The following TBC1D1 variants were observed in gnomAD, a reference collection of about 807,000 sequenced individuals.
The protein encoded by TBC1D1 is TBC1 domain family member 1, also known as TBC1 (tre-2/USP6, BUB2, cdc16) domain family, member 1.
TBC1D1 carries 89 observed loss-of-function variants against 125.6 expected under a neutral mutation model. That is an observed-to-expected ratio of 0.71 (90% confidence interval 0.60 to 0.85). The LOEUF (loss-of-function observed/expected upper bound fraction) is 0.85. TBC1D1 is among the 40% of genes least tolerant of loss of function. TBC1D1 has a pLI of 0.00. For synonymous variants in TBC1D1, 565 were observed against 564.1 expected (o/e 1.00, Z -0.02); for missense variants, 1,377 against 1,469.2 (o/e 0.94, Z 1.03).
intron 16 of TBC1D1, among the ~76,000 whole-genome samples, chr4:38,117,301 C>G (rs1763137817): frequency 6.6e-6 from 1 of 152,026 alleles, no homozygotes; most frequent in Admixed American, 6.6e-5. Context: ...TCTTTAGGCT[C>G]AGGCCGTGGC....
At chr4:37,928,503 T>A (rs1374643046) in intron 2 of TBC1D1, among the ~76,000 whole-genome samples, 3 of 152,348 alleles carry the variant, frequency 2.0e-5, no homozygotes, top group African/African-American at 7.2e-5. Flanking sequence ...TGTTATAATT[T>A]CTTAATTCCC....
At chr4:38,013,804 G>T (rs1461089510) in intron 2 of TBC1D1, among the ~76,000 whole-genome samples, 1 of 152,160 alleles carries the variant, frequency 6.6e-6, no homozygotes, top group Non-Finnish European at 1.5e-5. Flanking sequence ...TAGTCTCCAT[G>T]TGAAGAATCC....
chr4:37,933,772 ATGGGTAGGC>A (rs151198935), intron 2 of TBC1D1, among the ~76,000 whole-genome samples: 2,322 of 152,280 alleles, frequency 0.015, 73 homozygotes, highest in African/African-American at 0.053. Flanking sequence ...CGGAATCACC[ATGGGTAGGC>A]TGGTAGGACC....
intron 2 of TBC1D1, among the ~76,000 whole-genome samples, chr4:37,922,800 A>G (rs1189701647): frequency 6.6e-6 from 1 of 152,104 alleles, no homozygotes; most frequent in Non-Finnish European, 1.5e-5. Flanking sequence ...CCTGGCCTCA[A>G]TGATTGGTTT....
intron 2 of TBC1D1, among the ~76,000 whole-genome samples, chr4:37,935,522 C>G (rs1032332095): frequency 6.6e-6 from 1 of 152,172 alleles, no homozygotes. Flanking sequence ...GTTTCTGCTT[C>G]TTTTCATCTC....
At chr4:37,916,555 C>T (rs1489955916) in intron 2 of TBC1D1, among the ~76,000 whole-genome samples, 1 of 152,106 alleles carries the variant, frequency 6.6e-6, no homozygotes, top group Non-Finnish European at 1.5e-5. Context: ...GAAAAGACAG[C>T]ACAGCCAGGA....
chr4:38,109,392 A>G (rs774944274), intron 15 of TBC1D1, among the ~76,000 whole-genome samples: 17 of 152,224 alleles, frequency 1.1e-4, no homozygotes, highest in Non-Finnish European at 2.2e-4. Context: ...GATAAAAGGA[A>G]AGAATAAAGT....
chr4:38,109,531 G>A (rs1379981342), intron 15 of TBC1D1, among the ~76,000 whole-genome samples: 1 of 152,112 alleles, frequency 6.6e-6, no homozygotes, highest in Non-Finnish European at 1.5e-5. Context: ...TTCAGTGTTT[G>A]CAGATTTCCA....
In TBC1D1 at chr4:37,928,191, C is replaced by T. The variant is rs913178877; in HGVS notation, c.417+25679C>T. Among the ~76,000 whole-genome samples the T allele has an allele frequency of 2.0e-5, 3 of 152,142 alleles. No individual in the cohort carries two copies. The South Asian group carries it at 6.2e-4, about 31-fold the overall frequency. On this transcript the variant is annotated intron_variant, in intron 2 of 19. Transcript: ENST00000261439. ...AATAGGGCCTGGCATATAGTTGGAA[C>T]TACTAGTTTAAAAGTGTTAGCTATC...
chr4:38,014,924 A>G lies in TBC1D1; in HGVS notation c.833A>G (p.Asn278Ser), dbSNP rs1560622286. Residue 278 changes from asparagine (N) to serine (S), a missense_variant, in exon 3 of 20, where the codon AAT becomes AGT. Transcript: ENST00000261439. This position sits in a 1 kb window ranked among gnomAD's most constrained non-coding sequence, Gnocchi z 5.1. ...GAGAACCACCTCATTAGCGGACACA[A>G]TATTGTGCAGCCCACAGATATCGAG... 1.9e-6 allele frequency: 3 copies of G among 1,582,976 alleles called. No individual in the cohort carries two copies. The highest frequency in any genetic ancestry group is 2.6e-6 in the Non-Finnish European group (3 of 1,160,738).
At chr4:37,965,048 C>T (rs1173076339) in intron 2 of TBC1D1, among the ~76,000 whole-genome samples, 1 of 152,260 alleles carries the variant, frequency 6.6e-6, no homozygotes, top group East Asian at 1.9e-4. Flanking sequence ...AGACACTGCT[C>T]CACTGTGCCT....
At chr4:38,046,790 G>A (rs1430439920) in intron 10 of TBC1D1, among the ~76,000 whole-genome samples, 1 of 152,066 alleles carries the variant, frequency 6.6e-6, no homozygotes, top group African/African-American at 2.4e-5. Context: ...TCATATTTAA[G>A]CCTGGTCAGT....
intron 2 of TBC1D1, among the ~76,000 whole-genome samples, chr4:37,987,524 CCTTT>C (rs1222736454): frequency 6.6e-6 from 1 of 151,916 alleles, no homozygotes; most frequent in East Asian, 1.9e-4. Flanking sequence ...ACTTTTTTCC[CCTTT>C]CTTAGGTGAG....
chr4:37,946,738 G>A (rs1227022505), intron 2 of TBC1D1, among the ~76,000 whole-genome samples: 1 of 152,186 alleles, frequency 6.6e-6, no homozygotes, highest in African/African-American at 2.4e-5. Context: ...GAAGGCATGA[G>A]AAAGTGGGAG....
At position 38,020,643 on chromosome 4, in the gene TBC1D1, G is replaced by T. The variant is rs1170948915; in HGVS notation, c.1025G>T (p.Gly342Val). The stretch of plus-strand genomic sequence containing the variant: ...TTTATCTGTCGGGAGTCTTCCGGAG[G>T]TGGCGGCTTTCATTTTGTCTGTTAC... The change falls in exon 5 of 20, where the codon GGT becomes GTT. Residue 342 changes from glycine to valine, a missense_variant. Gly to Val is a moderately radical substitution (Grantham distance 109, BLOSUM62 -3). Coordinates refer to ENST00000261439, the MANE Select transcript of TBC1D1 (RefSeq NM_015173.4). 1.2e-6 allele frequency: 2 copies of T among 1,613,400 alleles called. No homozygotes were observed. The highest frequency in any genetic ancestry group is 1.1e-5 in the South Asian group (1 of 91,082).
chr4:38,042,409 C>T (rs1197665300), intron 8 of TBC1D1, among the ~76,000 whole-genome samples: 3 of 151,362 alleles, frequency 2.0e-5, no homozygotes, highest in Non-Finnish European at 4.4e-5. Context: ...CGTGCACCAC[C>T]ACACCTGGCT....
intron 10 of TBC1D1, among the ~76,000 whole-genome samples, chr4:38,046,134 C>G (rs1433148494): frequency 1.3e-5 from 2 of 152,064 alleles, no homozygotes; most frequent in South Asian, 4.1e-4. Flanking sequence ...GAGAGGCGGA[C>G]GCGGGCGGAT....
chr4:37,909,029 TC>T (rs1316583607), intron 2 of TBC1D1, among the ~76,000 whole-genome samples: 1 of 152,232 alleles, frequency 6.6e-6, no homozygotes, highest in Non-Finnish European at 1.5e-5. Flanking sequence ...CCGTGTGGGC[TC>T]CCTTACCACT....
chr4:38,036,599 G>A (rs561803200), intron 8 of TBC1D1, among the ~76,000 whole-genome samples: 5 of 152,192 alleles, frequency 3.3e-5, no homozygotes, highest in South Asian at 4.1e-4. Flanking sequence ...CAGCCTTTGC[G>A]TCTGGACCCT....
Sources: gnomAD v4.1 joint callset for allele counts (sites outside exome capture counted in the v4.1 genomes callset) on GRCh38, gnomAD v4.1.1 for gene constraint, Gnocchi (gnomAD v3.1) non-coding constraint, MANE v1.5 for transcripts, NCBI Gene and HGNC (gene_info 2026-07-23, HGNC 2026-07-21) for gene names.